The following KCNT2 variants were observed in gnomAD, a reference collection of about 807,000 sequenced individuals.
The protein encoded by KCNT2 is potassium sodium-activated channel subfamily T member 2.
KCNT2 carries 67 observed loss-of-function variants against 153.8 expected under a neutral mutation model. That is an observed-to-expected ratio of 0.44 (90% CI 0.36 to 0.53). KCNT2 has a LOEUF of 0.53. KCNT2 is among the 20% of genes least tolerant of loss of function. The pLI, the probability that KCNT2 is intolerant of heterozygous loss-of-function variation, is 0.00. For missense variants in KCNT2, 975 were observed against 1,354.8 expected, an observed-to-expected ratio of 0.72 and a Z score of 4.40; for synonymous variants, 500 against 458.8, an observed-to-expected ratio of 1.09 and a Z score of -1.15.
intron 4 of KCNT2, 39 bp downstream of exon 4, chr1:196,482,292 A>G: frequency 1.5e-6 from 2 of 1,323,862 alleles, no homozygotes; most frequent in Non-Finnish European, 2.1e-6. Flanking sequence ...AATGTGAATA[A>G]ACCCAGAGAT....
intron 25 of KCNT2, among the ~76,000 whole-genome samples, chr1:196,273,278 G>A (rs1365742881): frequency 6.6e-6 from 1 of 151,522 alleles, no homozygotes; most frequent in African/African-American, 2.4e-5. Flanking sequence ...GCAAATTCCA[G>A]GAAATTTACT....
At chr1:196,602,235 T>TTC (rs1664801659) in intron 1 of KCNT2, among the ~76,000 whole-genome samples, 1 of 152,220 alleles carries the variant, frequency 6.6e-6, no homozygotes, top group South Asian at 2.1e-4. Flanking sequence ...TTTCAAATTG[T>TTC]AAGTATATAA....
chr1:196,355,855 A>C (rs1447988595), intron 14 of KCNT2, among the ~76,000 whole-genome samples: 1 of 151,772 alleles, frequency 6.6e-6, no homozygotes, highest in African/African-American at 2.4e-5. Context: ...CATTAATAAA[A>C]TTTTATAGCT....
At chr1:196,349,798 C>T (rs959510736) in intron 14 of KCNT2, among the ~76,000 whole-genome samples, 5 of 151,770 alleles carry the variant, frequency 3.3e-5, no homozygotes, top group Non-Finnish European at 7.4e-5. Context: ...CGCTGGTGTG[C>T]TGCACCCATT....
chr1:196,572,277 C>A (rs1471910139), intron 1 of KCNT2, among the ~76,000 whole-genome samples: 2 of 152,068 alleles, frequency 1.3e-5, no homozygotes, highest in Non-Finnish European at 2.9e-5. Context: ...GGGAAATCTC[C>A]ACCTGGCATA....
rs116467545 is a variant in KCNT2 at position 196,227,600 on chromosome 1, A to G, written c.*624T>C. On this transcript the variant is annotated 3_prime_UTR_variant, in exon 28 of 28. Transcript: ENST00000294725. ...TTTCATTTATGTTTTAGTTTCTTCA[A>G]TGTAATAAAACATGCTATGAACATC... The G allele has an allele frequency of 0.05, 7,703 of 152,562 alleles. 287 individuals carry two copies. Among genetic ancestry groups the G allele is most frequent in the Non-Finnish European group, 0.072 (4,860 of 67,948 alleles). The allele number at this position is 152,562 out of a possible 1,614,324, so 9.5% of individuals were successfully genotyped here.
intron 1 of KCNT2, among the ~76,000 whole-genome samples, chr1:196,496,647 G>A (rs1680282133): frequency 6.6e-6 from 1 of 152,080 alleles, no homozygotes; most frequent in African/African-American, 2.4e-5. Context: ...ATTCAAGAAA[G>A]ATTAGTGAAA....
intron 1 of KCNT2, among the ~76,000 whole-genome samples, chr1:196,547,395 C>G (rs1224064926): frequency 1.3e-5 from 2 of 151,912 alleles, no homozygotes; most frequent in African/African-American, 2.4e-5. Context: ...TGGACACTTA[C>G]TTTCTCATCC....
chr1:196,323,170 T>A (rs1407458983), intron 19 of KCNT2, among the ~76,000 whole-genome samples: 1 of 151,944 alleles, frequency 6.6e-6, no homozygotes, highest in Non-Finnish European at 1.5e-5. Flanking sequence ...GTTTGAATTT[T>A]AAAAATAAGA....
chr1:196,526,013 CTCTG>C (rs1654136340), intron 1 of KCNT2, among the ~76,000 whole-genome samples: 1 of 120,074 alleles, frequency 8.3e-6, no homozygotes, highest in African/African-American at 3.7e-5. Flanking sequence ...TGAGAACTGA[CTCTG>C]TGTGTGTGTG....
At chr1:196,384,962 A>G (rs1669837021) in intron 13 of KCNT2, among the ~76,000 whole-genome samples, 1 of 152,092 alleles carries the variant, frequency 6.6e-6, no homozygotes, top group Non-Finnish European at 1.5e-5. Context: ...AGACAGACAA[A>G]TAGGCAGATG....
chr1:196,257,635 A>G (rs996678386), intron 26 of KCNT2: 1 of 948,668 alleles, frequency 1.1e-6, no homozygotes. Flanking sequence ...TAGTGTCTAT[A>G]TGGCAATTAT....
At chr1:196,237,282 G>A (rs1269202282) in intron 26 of KCNT2, among the ~76,000 whole-genome samples, 3 of 151,490 alleles carry the variant, frequency 2.0e-5, no homozygotes, top group Non-Finnish European at 4.4e-5. Context: ...CACTATTTTC[G>A]GCTATGGTAT....
At position 196,467,778 on chromosome 1, in the gene KCNT2, C is replaced by A. The variant is rs1251556251; in HGVS notation, c.468G>T (p.Trp156Cys). 6.3e-7 allele frequency: 1 copy of A among 1,596,674 alleles called. No homozygotes were observed. The highest frequency in any genetic ancestry group is 1.1e-5 in the South Asian group (1 of 88,610). ...NAVPFIISIF[W>C]PSLRNLFVPV... is the part of the protein sequence containing the mutation. ...GGACAAATAGATTCCTTAAGGAAGG[C>A]CAGAATATCTGGAAAACAAAACAAA... Residue 156 changes from tryptophan (W) to cysteine (C), a missense_variant, in exon 7 of 28, where the codon TGG becomes TGT. Physicochemically the swap from Trp to Cys is radical, Grantham distance 215. Coordinates refer to ENST00000294725, the MANE Select transcript of KCNT2 (RefSeq NM_198503.5).
chr1:196,492,336 T>C lies in KCNT2; in HGVS notation c.101A>G (p.Gln34Arg). Residue 34 changes from glutamine (Q) to arginine (R), a missense_variant, in exon 2 of 28, where the codon CAA becomes CGA. Transcript: ENST00000294725. ...ATTTTCATTCATATAGAATTCAACT[T>C]GTACCCTGCAAACAGAAAATAAAAA... ...DQGWQNDDRV[Q>R]VEFYMNENTF... 1 of 1,397,840 alleles carries C rather than the reference T, an allele frequency of 7.2e-7. No individual in the cohort carries two copies. The highest frequency in any genetic ancestry group is 9.5e-7 in the Non-Finnish European group (1 of 1,048,808). The allele number at this position is 1,397,840 out of a possible 1,614,324, so 86.6% of individuals were successfully genotyped here. A position where few individuals can be genotyped will look rare whatever the true frequency, so the allele number is the denominator to read the frequency against.
At chr1:196,390,521 C>T (rs1261800855) in intron 13 of KCNT2, among the ~76,000 whole-genome samples, 1 of 151,378 alleles carries the variant, frequency 6.6e-6, no homozygotes, top group East Asian at 1.9e-4. Flanking sequence ...ATTATGATAG[C>T]ACTCTCCATA....
intron 5 of KCNT2, among the ~76,000 whole-genome samples, chr1:196,469,703 C>A (rs1677923092): frequency 1.3e-5 from 2 of 152,080 alleles, no homozygotes; most frequent in South Asian, 2.1e-4. Context: ...ATCACGAGGA[C>A]CTTCTGGTTG....
At chr1:196,421,041 G>A (rs1364440358) in intron 12 of KCNT2, among the ~76,000 whole-genome samples, 3 of 151,964 alleles carry the variant, frequency 2.0e-5, no homozygotes, top group Non-Finnish European at 4.4e-5. Flanking sequence ...GACTGTTGAG[G>A]TTCGGTTGCA....
chr1:196,369,415 G>A (rs1033135219), intron 14 of KCNT2, among the ~76,000 whole-genome samples: 2 of 151,968 alleles, frequency 1.3e-5, no homozygotes, highest in Non-Finnish European at 2.9e-5. Flanking sequence ...ATGCTGGTGT[G>A]CTGCACCCAC....
Sources: gnomAD v4.1 joint callset for allele counts (sites outside exome capture counted in the v4.1 genomes callset) on GRCh38, gnomAD v4.1.1 for gene constraint, MANE v1.5 for transcripts, NCBI Gene and HGNC (gene_info 2026-07-23, HGNC 2026-07-21) for gene names.